Variants in PLCXD3 observed in about 807,000 individuals in gnomAD.
The protein encoded by PLCXD3 is phosphatidylinositol specific phospholipase C X domain containing 3.
Under a neutral mutation model 25.5 loss-of-function variants are expected in PLCXD3, and 19 were observed. The observed-to-expected ratio is 0.75, with a 90% CI of 0.52 to 1.09. The LOEUF is 1.09. Among genes scored for constraint, PLCXD3 ranks in the 50% least tolerant of loss-of-function variants. The pLI is 0.00. For missense variants in PLCXD3, 411 were observed against 388.1 expected, an observed-to-expected ratio of 1.06 and a Z score of -0.50; for synonymous variants, 174 against 137.6, an observed-to-expected ratio of 1.26 and a Z score of -1.85.
intron 1 of PLCXD3, among the ~76,000 whole-genome samples, chr5:41,475,924 C>T: frequency 6.6e-6 from 1 of 152,170 alleles, no homozygotes; most frequent in East Asian, 1.9e-4. Context: ...GCAAAGGCAG[C>T]CCCTGAGCTT....
chr5:41,493,351 G>A (rs1454335807), intron 1 of PLCXD3, among the ~76,000 whole-genome samples: 4 of 152,196 alleles, frequency 2.6e-5, no homozygotes, highest in Admixed American at 2.6e-4. Context: ...ACTGGGGGGT[G>A]CCTCCCAGTT....
chr5:41,318,415 A>G (rs915129580), intron 2 of PLCXD3, among the ~76,000 whole-genome samples: 1 of 152,242 alleles, frequency 6.6e-6, no homozygotes, highest in African/African-American at 2.4e-5. Context: ...ACAATAAAAT[A>G]TAAGTAGAAA....
In PLCXD3 at chr5:41,422,417, C is replaced by G. The variant is rs535795523; in HGVS notation, c.104-39883G>C. Among the ~76,000 whole-genome samples, 7 of 152,326 alleles carry G rather than the reference C, an allele frequency of 4.6e-5. No individual in the cohort carries two copies. In the East Asian group the frequency reaches 1.2e-3, roughly 25 times the overall value. On this transcript the variant is annotated intron_variant, in intron 1 of 2. Transcript: ENST00000377801. ...CCTTGGGAAATTTATCAACCACCAT[C>G]TTTTCATATCTGGGTAGGATGGGTC...
intron 2 of PLCXD3, among the ~76,000 whole-genome samples, chr5:41,318,965 T>C (rs1743380764): frequency 6.6e-6 from 1 of 152,188 alleles, no homozygotes; most frequent in African/African-American, 2.4e-5. Context: ...GGAGTTGCTA[T>C]ACTTATATCA....
chr5:41,337,005 C>T (rs565864312), intron 2 of PLCXD3, among the ~76,000 whole-genome samples: 1 of 152,194 alleles, frequency 6.6e-6, no homozygotes, highest in South Asian at 2.1e-4. Flanking sequence ...GTCCTTTAGC[C>T]AGAGTAAGAA....
intron 1 of PLCXD3, among the ~76,000 whole-genome samples, chr5:41,509,194 T>A (rs1194663518): frequency 2.0e-5 from 3 of 152,120 alleles, no homozygotes; most frequent in Non-Finnish European, 4.4e-5. Flanking sequence ...TATGTTTTCC[T>A]CCAACAGCTG....
At chr5:41,345,203 T>C (rs1000292132) in intron 2 of PLCXD3, among the ~76,000 whole-genome samples, 2 of 152,216 alleles carry the variant, frequency 1.3e-5, no homozygotes, top group African/African-American at 4.8e-5. Context: ...CTTGAGATTT[T>C]TCCAAATGAT....
chr5:41,496,989 T>C (rs1319421127), intron 1 of PLCXD3, among the ~76,000 whole-genome samples: 1 of 151,680 alleles, frequency 6.6e-6, no homozygotes, highest in Non-Finnish European at 1.5e-5. Flanking sequence ...TTTAAGTTAT[T>C]TTTTAATTTA....
At chr5:41,339,841 C>G (rs762159666) in intron 2 of PLCXD3, among the ~76,000 whole-genome samples, 5 of 152,068 alleles carry the variant, frequency 3.3e-5, no homozygotes, top group Non-Finnish European at 5.9e-5. Context: ...TAAAATGCTT[C>G]CTCATAATAG....
At chr5:41,505,201 G>GGA (rs1206373836) in intron 1 of PLCXD3, among the ~76,000 whole-genome samples, 2 of 152,002 alleles carry the variant, frequency 1.3e-5, no homozygotes, top group African/African-American at 4.8e-5. Context: ...TTAAGCAATT[G>GGA]GAGAGCTGTG....
chr5:41,442,793 A>C (rs761727792), intron 1 of PLCXD3, among the ~76,000 whole-genome samples: 6 of 152,060 alleles, frequency 3.9e-5, no homozygotes, highest in Non-Finnish European at 7.4e-5. Flanking sequence ...AAACACTTCA[A>C]ATCAAATCTG....
intron 1 of PLCXD3, among the ~76,000 whole-genome samples, chr5:41,431,124 T>A (rs1025609002): frequency 1.3e-5 from 2 of 152,230 alleles, no homozygotes; most frequent in African/African-American, 4.8e-5. Context: ...GCCAATTTTC[T>A]GGGCTGACCT....
rs147381620 is a variant in PLCXD3, at chr5:41,334,259, T to C, written c.813-20489A>G. ...TGTAAGATTAGCAATGATAATACTT[T>C]GGGGTTACTACAAGGATCACAGTCA... On this transcript the variant is annotated intron_variant, in intron 2 of 2. Transcript: ENST00000377801. Among the ~76,000 whole-genome samples the C allele has an allele frequency of 2.5e-3, 374 of 150,276 alleles. 3 individuals are homozygous for C. The highest frequency in any genetic ancestry group is 8.6e-3 in the African/African-American group (357 of 41,354).
chr5:41,397,334 G>A (rs1412872491), intron 1 of PLCXD3, among the ~76,000 whole-genome samples: 3 of 152,196 alleles, frequency 2.0e-5, no homozygotes, highest in Non-Finnish European at 4.4e-5. Context: ...CCTAGGTACA[G>A]CTTGGGACAT....
intron 1 of PLCXD3, among the ~76,000 whole-genome samples, chr5:41,509,736 T>C (rs1738991050): frequency 6.6e-6 from 1 of 152,176 alleles, no homozygotes; most frequent in African/African-American, 2.4e-5. Context: ...GGGCGAAGTG[T>C]GTTGCCAACA....
intron 2 of PLCXD3, among the ~76,000 whole-genome samples, chr5:41,368,344 G>T (rs972677751): frequency 2.1e-4 from 32 of 152,064 alleles, no homozygotes; most frequent in African/African-American, 6.5e-4. Context: ...CTTGCCTGTT[G>T]TTGGTTTATA....
intron 1 of PLCXD3, among the ~76,000 whole-genome samples, chr5:41,417,303 T>G (rs777960711): frequency 9.9e-5 from 15 of 152,146 alleles, no homozygotes; most frequent in Non-Finnish European, 2.1e-4. Context: ...AAAGAGAGTT[T>G]TGCCATTGCC....
intron 1 of PLCXD3, among the ~76,000 whole-genome samples, chr5:41,417,969 T>C (rs1746731743): frequency 6.6e-6 from 1 of 152,232 alleles, no homozygotes; most frequent in Non-Finnish European, 1.5e-5. Flanking sequence ...TATGGAATTA[T>C]CTATATGTTA....
At chr5:41,465,058 C>T (rs900818127) in intron 1 of PLCXD3, among the ~76,000 whole-genome samples, 14 of 151,910 alleles carry the variant, frequency 9.2e-5, no homozygotes, top group Non-Finnish European at 1.5e-4. Flanking sequence ...GTTCTCATTC[C>T]ATTCTTTCTT....
Sources: gnomAD v4.1 joint callset for allele counts (sites outside exome capture counted in the v4.1 genomes callset) on GRCh38, gnomAD v4.1.1 for gene constraint, MANE v1.5 for transcripts, NCBI Gene and HGNC (gene_info 2026-07-23, HGNC 2026-07-21) for gene names.